COL5A2: variants seen among roughly 807,000 people sequenced by gnomAD.
The protein encoded by COL5A2 is collagen alpha-2(V) chain.
COL5A2 carries 23 observed loss-of-function variants against 208.2 expected under a neutral mutation model. That is an observed-to-expected ratio of 0.11 (90% CI 0.08 to 0.16). The LOEUF (loss-of-function observed/expected upper bound fraction) is 0.16, where lower values mean the gene tolerates loss of function less well. COL5A2 is among the 10% of genes least tolerant of loss of function. The pLI is 1.00. For synonymous variants in COL5A2, 625 were observed against 628.5 expected, an observed-to-expected ratio of 0.99 and a Z score of 0.08; for missense variants, 1,590 against 1,956.4, an observed-to-expected ratio of 0.81 and a Z score of 3.53.
chr2:189,138,133 C>T (rs1487314542), intron 1 of COL5A2, among the ~76,000 whole-genome samples: 1 of 152,056 alleles, frequency 6.6e-6, no homozygotes, highest in Non-Finnish European at 1.5e-5. Flanking sequence ...TGCCACAATG[C>T]CCAGCTAATT....
At chr2:189,281,964 A>C in the COL5A2 span, among the ~76,000 whole-genome samples, 1 of 152,182 alleles carries the variant, frequency 6.6e-6, no homozygotes, top group Non-Finnish European at 1.5e-5. Context: ...AGGGTGGATC[A>C]CCTGAGGTCA....
At chr2:189,201,922 C>T (rs1012401190) in intron 1 of COL5A2, among the ~76,000 whole-genome samples, 40 of 151,242 alleles carry the variant, frequency 2.6e-4, no homozygotes, top group Non-Finnish European at 1.0e-4. Context: ...CTAAATAATC[C>T]ATTGATCATA....
the COL5A2 span, among the ~76,000 whole-genome samples, chr2:189,301,989 A>G: frequency 6.6e-6 from 1 of 152,168 alleles, no homozygotes; most frequent in Non-Finnish European, 1.5e-5. Context: ...ATAATACTAT[A>G]TCTCCAAAAA....
chr2:189,395,421 C>A, the COL5A2 span, among the ~76,000 whole-genome samples: 53 of 152,050 alleles, frequency 3.5e-4, no homozygotes, highest in Admixed American at 3.5e-3. Context: ...ACTTGAAATT[C>A]ATAACAAAAA....
intron 13 of COL5A2, among the ~76,000 whole-genome samples, chr2:189,080,504 T>C (rs549900765): frequency 1.2e-4 from 18 of 148,500 alleles, no homozygotes; most frequent in African/African-American, 4.4e-4. Flanking sequence ...GATAGTTAGA[T>C]AGATGATAGA....
chr2:189,133,188 T>G (rs1399521667), intron 1 of COL5A2: 2 of 138,072 alleles, frequency 1.4e-5, no homozygotes, highest in Admixed American at 1.6e-4. Context: ...TGGCGCAATC[T>G]CGGCTCGCTG....
chr2:189,187,057 T>C (rs1442487062), intron 1 of COL5A2, among the ~76,000 whole-genome samples: 1 of 152,240 alleles, frequency 6.6e-6, no homozygotes, highest in African/African-American at 2.4e-5. Flanking sequence ...TCGTTACATT[T>C]AGAGATTATG....
the COL5A2 span, among the ~76,000 whole-genome samples, chr2:189,268,088 T>C: frequency 6.6e-6 from 1 of 152,178 alleles, no homozygotes; most frequent in Admixed American, 6.6e-5. Context: ...ATTCAGTAAA[T>C]AGTATTCAGA....
At chr2:189,173,511 A>G (rs1440177037) in intron 1 of COL5A2, among the ~76,000 whole-genome samples, 2 of 152,200 alleles carry the variant, frequency 1.3e-5, no homozygotes, top group Non-Finnish European at 2.9e-5. Flanking sequence ...GCAAATGCCA[A>G]GAGTAAATAG....
chr2:189,380,266 G>A, the COL5A2 span, among the ~76,000 whole-genome samples: 2 of 151,840 alleles, frequency 1.3e-5, no homozygotes, highest in African/African-American at 4.8e-5. Context: ...CCTTATTTGG[G>A]ATGTACTTAA....
At chr2:189,285,256 T>A in the COL5A2 span, among the ~76,000 whole-genome samples, 1 of 152,086 alleles carries the variant, frequency 6.6e-6, no homozygotes, top group African/African-American at 2.4e-5. Context: ...AAGTTGGCAC[T>A]GTTCCCCTAA....
At chr2:189,286,321 T>A in the COL5A2 span, among the ~76,000 whole-genome samples, 1 of 152,300 alleles carries the variant, frequency 6.6e-6, no homozygotes, top group South Asian at 2.1e-4. Flanking sequence ...TTCTAGTTTT[T>A]CAGCTGGCAC....
At chr2:189,314,426 G>C in the COL5A2 span, among the ~76,000 whole-genome samples, 5 of 152,062 alleles carry the variant, frequency 3.3e-5, no homozygotes, top group Non-Finnish European at 7.4e-5. Context: ...GAGTCTCTGG[G>C]ACAGTTACAG....
At chr2:189,421,848 AG>A in the COL5A2 span, among the ~76,000 whole-genome samples, 1 of 152,194 alleles carries the variant, frequency 6.6e-6, no homozygotes, top group Non-Finnish European at 1.5e-5. Context: ...TCTATGACTA[AG>A]GATTTCTAGC....
intron 1 of COL5A2, among the ~76,000 whole-genome samples, chr2:189,208,473 G>A (rs536931355): frequency 6.6e-6 from 1 of 152,260 alleles, no homozygotes; most frequent in South Asian, 2.1e-4. Context: ...GGCAGAAGAG[G>A]CAACAGATGC....
chr2:189,234,329 C>T, the COL5A2 span, among the ~76,000 whole-genome samples: 1 of 151,632 alleles, frequency 6.6e-6, no homozygotes, highest in Admixed American at 6.6e-5. Context: ...TTATATTTCC[C>T]TTTTATTAGA....
intron 1 of COL5A2, among the ~76,000 whole-genome samples, chr2:189,124,567 A>T (rs1048093003): frequency 6.6e-6 from 1 of 152,148 alleles, no homozygotes; most frequent in African/African-American, 2.4e-5. Flanking sequence ...AGGGGATGAT[A>T]AAAAAGTCAC....
At position 189,214,569 on chromosome 2, in the gene COL5A2, C is replaced by T. The variant is rs982279593; in HGVS notation, c.-42+10579G>A. On this transcript the variant is annotated intron_variant, in intron 1 of 10. Coordinates refer to the COL5A2 transcript ENST00000649966. ...TACAGAGTAATTTATTAAAATTTCT[C>T]TATCTTCATTTTTTAATATTTATTT... 3.9e-5 allele frequency among the ~76,000 whole-genome samples: 6 copies of T among 152,058 alleles called. No homozygotes were observed. The South Asian group carries it at 8.3e-4, about 21-fold the overall frequency.
chr2:189,335,846 C>T, the COL5A2 span, among the ~76,000 whole-genome samples: 1 of 151,880 alleles, frequency 6.6e-6, no homozygotes, highest in Non-Finnish European at 1.5e-5. Flanking sequence ...GTGATGGTTG[C>T]ACAACTTTGT....
Sources: gnomAD v4.1 joint callset for allele counts (sites outside exome capture counted in the v4.1 genomes callset) on GRCh38, gnomAD v4.1.1 for gene constraint, MANE v1.5 for transcripts, NCBI Gene and HGNC (gene_info 2026-07-23, HGNC 2026-07-21) for gene names.